C3orf20: variants seen among roughly 807,000 people sequenced by gnomAD.
C3orf20 encodes the protein family with sequence similarity 149 member C.
C3orf20 carries 76 observed loss-of-function variants against 88.3 expected under a neutral mutation model. The ratio of observed to expected loss-of-function variants is 0.86; its 90% CI spans 0.72 to 1.04. C3orf20 has a LOEUF of 1.04. Ranked by LOEUF, C3orf20 falls within the 50% of genes least tolerant of loss-of-function variation. The pLI, the probability that C3orf20 is intolerant of heterozygous loss-of-function variation, is 0.00. For synonymous variants in C3orf20, 436 were observed against 437.4 expected, an observed-to-expected ratio of 1.00 and a Z score of 0.04; for missense variants, 1,056 against 1,123.3, an observed-to-expected ratio of 0.94 and a Z score of 0.86.
intron 5 of C3orf20, among the ~76,000 whole-genome samples, chr3:14,699,882 TC>T (rs1426082215): frequency 3.3e-5 from 5 of 152,244 alleles, no homozygotes; most frequent in African/African-American, 1.2e-4. Flanking sequence ...TATTTAGAAC[TC>T]CAGAGCCCAC....
At chr3:14,732,574 G>A (rs1206037970) in intron 12 of C3orf20, among the ~76,000 whole-genome samples, 1 of 151,884 alleles carries the variant, frequency 6.6e-6, no homozygotes, top group Non-Finnish European at 1.5e-5. Flanking sequence ...AACCAGAGAT[G>A]AGTTTGCCCC....
At chr3:14,751,696 CAGAG>C (rs1298899779) in intron 12 of C3orf20, among the ~76,000 whole-genome samples, 2 of 152,062 alleles carry the variant, frequency 1.3e-5, no homozygotes, top group African/African-American at 4.8e-5. Context: ...AACAGACAAA[CAGAG>C]AGCCAAATCA....
chr3:14,678,031 AC>A (rs1293326643), intron 1 of C3orf20, among the ~76,000 whole-genome samples: 11 of 150,970 alleles, frequency 7.3e-5, no homozygotes, highest in Admixed American at 2.0e-4. Context: ...ACCTGGTCCT[AC>A]CCTCCCCACC....
At position 14,704,575 on chromosome 3, in the gene C3orf20, T is replaced by C. The variant is rs1277755387; in HGVS notation, c.1117T>C (p.Phe373Leu). 6.2e-7 allele frequency: 1 copy of C among 1,613,996 alleles called. No individual in the cohort carries two copies. Among genetic ancestry groups the C allele is most frequent in the Non-Finnish European group, 8.5e-7 (1 of 1,180,032 alleles). The change falls in exon 7 of 17, where the codon TTC becomes CTC. Residue 373 changes from phenylalanine to leucine, a missense_variant. Coordinates refer to ENST00000253697, the MANE Select transcript of C3orf20 (RefSeq NM_032137.5). ...AGAGGGGAAGGCACCCAAGAAGGCC[T>C]TCAAGTTTCATTACACCTTCTATGA... is the stretch of plus-strand genomic sequence containing the variant. ...CQEGKAPKKA[F>L]KFHYTFYDGS...
intron 12 of C3orf20, among the ~76,000 whole-genome samples, chr3:14,753,153 C>T (rs2035267275): frequency 6.6e-6 from 1 of 152,164 alleles, no homozygotes; most frequent in African/African-American, 2.4e-5. Context: ...GAATACTATG[C>T]AGCCATAAAA....
At position 14,684,294 on chromosome 3, in the gene C3orf20, C is replaced by T; in HGVS notation, c.537C>T (p.Leu179=). Residue 179 remains leucine (L), a synonymous_variant, in exon 4 of 17, where the codon CTC becomes CTT. Coordinates refer to ENST00000253697, the MANE Select transcript of C3orf20 (RefSeq NM_032137.5). The stretch of plus-strand genomic sequence containing the variant: ...GGCGCTTTGTGGAGGCCAGCCAGCT[C>T]CTCCACCTCAATGCCAAGGAGATGG... ...ITRRFVEASQ[L]LHLNAKEMAF... is the part of the protein sequence containing the mutation. 1 of 1,614,172 alleles carries T rather than the reference C, an allele frequency of 6.2e-7. No homozygotes were observed. The highest frequency in any genetic ancestry group is 8.5e-7 in the Non-Finnish European group (1 of 1,180,030).
chr3:14,684,165 C>T (rs2032270452), intron 3 of C3orf20, 77 bp from the exon 4 acceptor site: 2 of 1,571,916 alleles, frequency 1.3e-6, no homozygotes, highest in Non-Finnish European at 8.6e-7. Context: ...TTTCCTGGGC[C>T]ATTTACAGAG....
chr3:14,697,261 T>C (rs544473728), intron 5 of C3orf20, among the ~76,000 whole-genome samples: 15 of 152,184 alleles, frequency 9.9e-5, no homozygotes, highest in Non-Finnish European at 2.1e-4. Context: ...TTGAATAAAC[T>C]TTCTACCCCT....
At chr3:14,683,971 C>T (rs1432887634) in intron 3 of C3orf20, among the ~76,000 whole-genome samples, 1 of 151,848 alleles carries the variant, frequency 6.6e-6, no homozygotes, top group Non-Finnish European at 1.5e-5. Flanking sequence ...AGTGATGGAG[C>T]CTTCTGGATG....
chr3:14,698,764 C>T (rs2033120429), intron 5 of C3orf20, among the ~76,000 whole-genome samples: 1 of 152,160 alleles, frequency 6.6e-6, no homozygotes, highest in African/African-American at 2.4e-5. Flanking sequence ...CCTGCTGTAA[C>T]CACTACCTGA....
At chr3:14,761,685 C>CTG in intron 15 of C3orf20, 70 bp downstream of exon 15, 1 of 1,400,512 alleles carries the variant, frequency 7.1e-7, no homozygotes, top group Non-Finnish European at 9.7e-7. Context: ...GAGACTTGGG[C>CTG]TGTGAAAGGG....
chr3:14,729,670 C>T (rs1486138615), intron 12 of C3orf20, among the ~76,000 whole-genome samples: 1 of 152,148 alleles, frequency 6.6e-6, no homozygotes, highest in East Asian at 1.9e-4. Context: ...CCTCAGCTTC[C>T]CTAGTGCTGG....
chr3:14,758,252 C>T (rs1232524402), intron 13 of C3orf20, among the ~76,000 whole-genome samples: 1 of 152,076 alleles, frequency 6.6e-6, no homozygotes, highest in Non-Finnish European at 1.5e-5. Flanking sequence ...GGAGGGCCAT[C>T]CAGGTTAAAT....
intron 12 of C3orf20, among the ~76,000 whole-genome samples, chr3:14,749,621 G>A (rs943690794): frequency 6.6e-6 from 1 of 151,770 alleles, no homozygotes. Flanking sequence ...AAGGACTTCT[G>A]CCATCTTGCT....
chr3:14,697,372 T>A (rs2033055165), intron 5 of C3orf20, among the ~76,000 whole-genome samples: 1 of 152,068 alleles, frequency 6.6e-6, no homozygotes, highest in Non-Finnish European at 1.5e-5. Context: ...TTTATTCTTT[T>A]TTCTTTTGTC....
Position 14,768,673 on chromosome 3 carries a change from G to A in C3orf20, c.2496-3394G>A, listed in dbSNP as rs1016289186. Among the ~76,000 whole-genome samples the A allele has an allele frequency of 7.2e-5, 11 of 152,082 alleles. No homozygotes were observed. Among genetic ancestry groups the A allele is most frequent in the South Asian group, 4.2e-4 (2 of 4,792 alleles). On this transcript the variant is annotated intron_variant, in intron 15 of 16. Coordinates refer to ENST00000253697, the MANE Select transcript of C3orf20 (RefSeq NM_032137.5). The surrounding 1 kb of genome is among the most constrained non-coding windows in gnomAD (Gnocchi z 4.1). Reference sequence around the variant, plus strand: ...TTTCTGGACTGGGGCCTGAGGGGGCGCTGAGTAGAGAGAAATTACCTTCCT... The same window carrying A: ...TTTCTGGACTGGGGCCTGAGGGGGCACTGAGTAGAGAGAAATTACCTTCCT...
chr3:14,699,599 C>T (rs1364260562), intron 5 of C3orf20, among the ~76,000 whole-genome samples: 1 of 152,228 alleles, frequency 6.6e-6, no homozygotes, highest in East Asian at 1.9e-4. Context: ...TGTACCCTAT[C>T]CTACTGTGGC....
At chr3:14,691,790 A>G (rs1207965499) in intron 5 of C3orf20, among the ~76,000 whole-genome samples, 1 of 152,186 alleles carries the variant, frequency 6.6e-6, no homozygotes, top group African/African-American at 2.4e-5. Context: ...AGTCATTTAA[A>G]AATATATAAT....
At chr3:14,726,705 A>G (rs1379976122) in intron 10 of C3orf20, among the ~76,000 whole-genome samples, 196 bp from the exon 11 acceptor site, 1 of 152,166 alleles carries the variant, frequency 6.6e-6, no homozygotes, top group African/African-American at 2.4e-5. Context: ...CCCTCCGAGG[A>G]GAGGCCATGA....
Sources: gnomAD v4.1 joint callset for allele counts (sites outside exome capture counted in the v4.1 genomes callset) on GRCh38, gnomAD v4.1.1 for gene constraint, Gnocchi (gnomAD v3.1) non-coding constraint, MANE v1.5 for transcripts, NCBI Gene and HGNC (gene_info 2026-07-23, HGNC 2026-07-21) for gene names.